Variants in GRIN2B observed in about 807,000 individuals in gnomAD.
The protein encoded by GRIN2B is glutamate receptor ionotropic, NMDA 2B.
In GRIN2B, 5 loss-of-function variants were observed where a neutral mutation model predicts 114.5. That is an observed-to-expected ratio of 0.04 (90% CI 0.02 to 0.09). The LOEUF is 0.09. Among genes scored for constraint, GRIN2B ranks in the 10% least tolerant of loss-of-function variants. The probability of loss-of-function intolerance (pLI) is 1.00; values close to 1 mark genes in which losing one functional copy is unlikely to be tolerated. For missense variants in GRIN2B, 1,108 were observed against 1,943.5 expected, an observed-to-expected ratio of 0.57 and a Z score of 8.08; for synonymous variants, 787 against 745.1, an observed-to-expected ratio of 1.06 and a Z score of -0.92.
chr12:13,874,898 C>T (rs1223442106), intron 2 of GRIN2B, among the ~76,000 whole-genome samples: 1 of 152,142 alleles, frequency 6.6e-6, no homozygotes, highest in Non-Finnish European at 1.5e-5. Flanking sequence ...GGCATCTACC[C>T]AGAAAACAGT....
At chr12:13,702,723 C>T (rs191866296) in intron 4 of GRIN2B, among the ~76,000 whole-genome samples, 2 of 152,134 alleles carry the variant, frequency 1.3e-5, no homozygotes, top group African/African-American at 4.8e-5. Flanking sequence ...TAAAGAGTGG[C>T]TTTCCAGGGC....
intron 5 of GRIN2B, among the ~76,000 whole-genome samples, chr12:13,667,457 A>G (rs1008982297): frequency 2.0e-5 from 3 of 152,158 alleles, no homozygotes; most frequent in African/African-American, 7.2e-5. Context: ...AAAAGGGGAC[A>G]AATCTTCTCA....
chr12:13,647,701 G>C (rs561243039), intron 5 of GRIN2B, among the ~76,000 whole-genome samples: 1 of 152,144 alleles, frequency 6.6e-6, no homozygotes, highest in East Asian at 1.9e-4. Flanking sequence ...TAGCATTGAA[G>C]AGAGGTCCAC....
chr12:13,711,200 T>A (rs1432104093), intron 4 of GRIN2B, among the ~76,000 whole-genome samples: 2 of 151,472 alleles, frequency 1.3e-5, no homozygotes, highest in Non-Finnish European at 3.0e-5. Context: ...ACTGGATCCC[T>A]TCCTTATACC....
At chr12:13,966,417 G>C (rs1158040897) in intron 2 of GRIN2B, among the ~76,000 whole-genome samples, 2 of 152,178 alleles carry the variant, frequency 1.3e-5, no homozygotes, top group African/African-American at 4.8e-5. Context: ...TGTGTGATCA[G>C]TTCATGGTGA....
intron 3 of GRIN2B, among the ~76,000 whole-genome samples, chr12:13,760,902 T>C (rs557965964): frequency 3.3e-5 from 5 of 152,366 alleles, no homozygotes; most frequent in Admixed American, 3.3e-4. Context: ...CCATCATTTT[T>C]TTCTGGTGAC....
intron 10 of GRIN2B, among the ~76,000 whole-genome samples, chr12:13,575,519 C>T (rs1469125331): frequency 6.6e-6 from 1 of 151,814 alleles, no homozygotes; most frequent in African/African-American, 2.4e-5. Flanking sequence ...ATTAGCCGTG[C>T]GTGGTGGCAT....
At chr12:13,826,406 G>A (rs1424081957) in intron 3 of GRIN2B, among the ~76,000 whole-genome samples, 2 of 152,126 alleles carry the variant, frequency 1.3e-5, no homozygotes, top group African/African-American at 2.4e-5. Context: ...AGGAGGCGGA[G>A]GTTGCGGTGA....
intron 5 of GRIN2B, among the ~76,000 whole-genome samples, chr12:13,668,954 AG>A (rs1950000115): frequency 8.6e-6 from 1 of 116,646 alleles, no homozygotes; most frequent in African/African-American, 3.2e-5. Flanking sequence ...AAAGGAAGAG[AG>A]GGGCGGTTGG....
chr12:13,935,400 T>C (rs897558231), intron 2 of GRIN2B, among the ~76,000 whole-genome samples: 5 of 152,210 alleles, frequency 3.3e-5, no homozygotes, highest in Admixed American at 3.3e-4. Context: ...GCATTTCGTC[T>C]CATCCTTAGA....
intron 3 of GRIN2B, among the ~76,000 whole-genome samples, chr12:13,797,372 G>C (rs905520820): frequency 6.6e-6 from 1 of 152,120 alleles, no homozygotes; most frequent in African/African-American, 2.4e-5. Context: ...GAATTTTGAG[G>C]GGCCACAAAC....
chr12:13,981,008 G>T (rs557940631), intron 1 of GRIN2B, among the ~76,000 whole-genome samples: 5 of 152,244 alleles, frequency 3.3e-5, no homozygotes, highest in Admixed American at 6.5e-5. Flanking sequence ...TGCAGCGCAC[G>T]GGGCTTCACC....
chr12:13,687,409 C>T (rs564540466), intron 4 of GRIN2B, among the ~76,000 whole-genome samples: 7 of 152,254 alleles, frequency 4.6e-5, no homozygotes, highest in Non-Finnish European at 1.0e-4. Flanking sequence ...TGACTTGAAA[C>T]TCCCCAATTT....
rs1204684273 is a variant in GRIN2B, at chr12:13,553,589, C to T, written c.*9194G>A. 1 of 152,152 alleles carries T rather than the reference C, an allele frequency of 6.6e-6. No individual in the cohort carries two copies. Among genetic ancestry groups the T allele is most frequent in the Non-Finnish European group, 1.5e-5 (1 of 68,034 alleles). 9.4% of individuals were successfully genotyped at this position (152,152 alleles called of 1,614,324 possible). A position where few individuals can be genotyped will look rare whatever the true frequency, so the allele number is the denominator to read the frequency against. The stretch of plus-strand genomic sequence containing the variant: ...TAGCGTGTGGTGAAATACAGTGGTC[C>T]TGTTGGACCACCACCTGGGGTCTAC... On this transcript the variant is annotated 3_prime_UTR_variant, in exon 14 of 14. Coordinates refer to ENST00000609686, the MANE Select transcript of GRIN2B (RefSeq NM_000834.5).
intron 3 of GRIN2B, among the ~76,000 whole-genome samples, chr12:13,760,634 G>A (rs1284455190): frequency 6.6e-6 from 1 of 152,130 alleles, no homozygotes; most frequent in Non-Finnish European, 1.5e-5. Flanking sequence ...GGAACTGGTA[G>A]GCTTTCCCTG....
chr12:13,950,101 T>G (rs1867453209), intron 2 of GRIN2B, among the ~76,000 whole-genome samples: 1 of 152,200 alleles, frequency 6.6e-6, no homozygotes, highest in Non-Finnish European at 1.5e-5. Flanking sequence ...TTGATCAATT[T>G]GCTATTTCTA....
chr12:13,590,284 C>T (rs1360051428), intron 10 of GRIN2B, among the ~76,000 whole-genome samples: 1 of 151,870 alleles, frequency 6.6e-6, no homozygotes, highest in Non-Finnish European at 1.5e-5. Context: ...AGGTTTGTTA[C>T]ATAGGTATAC....
At chr12:13,754,055 CAAT>C in intron 3 of GRIN2B, 140 bp from the exon 4 acceptor site, 2 of 614,846 alleles carry the variant, frequency 3.3e-6, no homozygotes, top group Non-Finnish European at 5.8e-6. Flanking sequence ...TTTGTATTTA[CAAT>C]AAATATTTTT....
At chr12:13,880,397 G>A (rs1866053328) in intron 2 of GRIN2B, among the ~76,000 whole-genome samples, 2 of 152,214 alleles carry the variant, frequency 1.3e-5, no homozygotes, top group Admixed American at 1.3e-4. Context: ...GGGATGCTCA[G>A]CTGGCGCTCG....
Sources: allele counts gnomAD v4.1 joint callset (sites outside exome capture counted in the v4.1 genomes callset), GRCh38; gene constraint gnomAD v4.1.1; transcripts MANE v1.5; gene names NCBI Gene and HGNC (gene_info 2026-07-23, HGNC 2026-07-21).